The following SUPT5H variants were observed in gnomAD, a reference collection of about 807,000 sequenced individuals.
SUPT5H encodes the protein SPT5 homolog, DSIF elongation factor subunit, also known as transcription elongation factor SPT5.
In SUPT5H, 24 loss-of-function variants were observed where a neutral mutation model predicts 142.5. The ratio of observed to expected loss-of-function variants is 0.17; its 90% CI spans 0.12 to 0.24. The LOEUF is 0.24. Ranked by LOEUF, SUPT5H falls within the 10% of genes least tolerant of loss-of-function variation. SUPT5H has a pLI of 1.00. For missense variants in SUPT5H, 893 were observed against 1,471.8 expected, an observed-to-expected ratio of 0.61 and a Z score of 6.43; for synonymous variants, 546 against 553.0, an observed-to-expected ratio of 0.99 and a Z score of 0.18.
intron 10 of SUPT5H, 43 bp downstream of exon 10, chr19:39,460,003 C>A (rs759940760): frequency 6.3e-7 from 1 of 1,597,998 alleles, no homozygotes; most frequent in South Asian, 1.1e-5. Flanking sequence ...GACATGGCAA[C>A]ACCCAGAGGG....
In SUPT5H at chr19:39,470,730, G is replaced by A. The variant is rs935559822; in HGVS notation, c.1677+207G>A. Among the ~76,000 whole-genome samples, 3 of 152,148 alleles carry A rather than the reference G, an allele frequency of 2.0e-5. No individual in the cohort carries two copies. Among genetic ancestry groups the A allele is most frequent in the Non-Finnish European group, 4.4e-5 (3 of 68,022 alleles). ...TTTTCACACCCTATAAAATGGAAACGAGAGCAGCGTCTACTTTGTTCATAG... is the reference window on the plus strand; with the variant it reads ...TTTTCACACCCTATAAAATGGAAACAAGAGCAGCGTCTACTTTGTTCATAG... On this transcript the variant is annotated intron_variant, in intron 18 of 29. Coordinates refer to ENST00000432763, the MANE Select transcript of SUPT5H (RefSeq NM_001111020.3). This position sits in a 1 kb window ranked among gnomAD's most constrained non-coding sequence, Gnocchi z 5.8.
chr19:39,448,345 G>T (rs1193380597), intron 2 of SUPT5H, among the ~76,000 whole-genome samples: 1 of 152,178 alleles, frequency 6.6e-6, no homozygotes, highest in Non-Finnish European at 1.5e-5. Flanking sequence ...AAGAGTTGGA[G>T]AAATTGGGAT....
rs889623388 is a variant in SUPT5H, at chr19:39,459,398, C to G, written c.524+149C>G. On this transcript the variant is annotated intron_variant, in intron 8 of 29. Coordinates refer to ENST00000432763, the MANE Select transcript of SUPT5H (RefSeq NM_001111020.3). The stretch of plus-strand genomic sequence containing the variant: ...CAGGGGTAGGGAGGGCAAGGTGGCA[C>G]TTTCTCTTTCCTCTTGCTCCTGGGT... 5 of 1,349,474 alleles carry G rather than the reference C, an allele frequency of 3.7e-6. No individual in the cohort carries two copies. In the African/African-American group the frequency reaches 5.7e-5, roughly 15 times the overall value. The allele number at this position is 1,349,474 out of a possible 1,614,324, so 83.6% of individuals were successfully genotyped here. A position where few individuals can be genotyped will look rare whatever the true frequency, so the allele number is the denominator to read the frequency against.
In SUPT5H at chr19:39,458,414, G is replaced by A. The variant is rs1467198520; in HGVS notation, c.319+109G>A. ...TAGCCTCCCCACCAGCCCCGGTCTG[G>A]CCCTGAGGGCTCTGACCCATGTAGG... On this transcript the variant is annotated intron_variant, in intron 5 of 29. Coordinates refer to ENST00000432763, the MANE Select transcript of SUPT5H (RefSeq NM_001111020.3). The surrounding 1 kb of genome is among the most constrained non-coding windows in gnomAD (Gnocchi z 4.2). 1.3e-6 allele frequency: 2 copies of A among 1,569,084 alleles called. No homozygotes were observed. Among genetic ancestry groups the A allele is most frequent in the African/African-American group, 2.7e-5 (2 of 74,362 alleles).
intron 28 of SUPT5H, chr19:39,475,309 A>G: frequency 6.6e-6 from 1 of 151,314 alleles, no homozygotes; most frequent in Non-Finnish European, 1.5e-5. Flanking sequence ...AGGCAGGAGA[A>G]TCGCTTGAAC....
intron 11 of SUPT5H, among the ~76,000 whole-genome samples, 194 bp downstream of exon 11, chr19:39,465,243 T>C (rs2079219291): frequency 6.6e-6 from 1 of 151,978 alleles, no homozygotes; most frequent in South Asian, 2.1e-4. Flanking sequence ...GCGTGTTGAG[T>C]AAAGGTCTGA....
chr19:39,474,089 A>G lies in SUPT5H; in HGVS notation c.2619A>G (p.Gln873=), dbSNP rs765859218. Residue 873 remains glutamine (Q), a synonymous_variant, in exon 26 of 30, where the codon CAA becomes CAG. Transcript: ENST00000432763. This position sits in a 1 kb window ranked among gnomAD's most constrained non-coding sequence, Gnocchi z 6.5. ...PDPSSPQVNP[Q]YNPQTPGTPA... is the part of the protein sequence containing the mutation. ...CCTCGTCCCCACAGGTCAACCCACA[A>G]TACAACCCGCAGACGCCAGGGACGC... is the stretch of plus-strand genomic sequence containing the variant. 11 of 1,604,596 alleles carry G rather than the reference A, an allele frequency of 6.9e-6. No homozygotes were observed. Among genetic ancestry groups the G allele is most frequent in the Non-Finnish European group, 9.4e-6 (11 of 1,174,436 alleles).
chr19:39,465,160 G>C, intron 11 of SUPT5H, 111 bp downstream of exon 11: 1 of 1,449,970 alleles, frequency 6.9e-7, no homozygotes, highest in Non-Finnish European at 9.3e-7. Context: ...ATCCCACTCA[G>C]ATGAGTTGAA....
In SUPT5H at chr19:39,458,608, A is replaced by G; in HGVS notation, c.320-210A>G. ...GATGGGAACAGCTGGAAGCCCCCCA[A>G]CTTGCTGGGCCCCATCCCCAGTCTT... On this transcript the variant is annotated intron_variant, in intron 5 of 29. Coordinates refer to ENST00000432763, the MANE Select transcript of SUPT5H (RefSeq NM_001111020.3). This position sits in a 1 kb window ranked among gnomAD's most constrained non-coding sequence, Gnocchi z 4.2. 1.4e-6 allele frequency: 1 copy of G among 693,404 alleles called. No homozygotes were observed. Among genetic ancestry groups the G allele is most frequent in the South Asian group, 1.9e-5 (1 of 51,688 alleles). 43.0% of individuals were successfully genotyped at this position (693,404 alleles called of 1,614,324 possible).
intron 2 of SUPT5H, among the ~76,000 whole-genome samples, chr19:39,448,034 T>C (rs1376608274): frequency 3.9e-5 from 6 of 152,232 alleles, no homozygotes; most frequent in African/African-American, 1.4e-4. Context: ...GACACAGAGT[T>C]GTTCTGCAGA....
Position 39,469,516 on chromosome 19 carries a change from C to G in SUPT5H, c.1374+118C>G, listed in dbSNP as rs2079289481. On this transcript the variant is annotated intron_variant, in intron 16 of 29. Coordinates refer to ENST00000432763, the MANE Select transcript of SUPT5H (RefSeq NM_001111020.3). The surrounding 1 kb of genome is among the most constrained non-coding windows in gnomAD (Gnocchi z 5.1). ...TGGTTTCCAGGAGGGTAAGTTGAGG[C>G]CCTTCTAGCATTCTCAGGTGCCTGA... 6.9e-7 allele frequency: 1 copy of G among 1,442,032 alleles called. No homozygotes were observed. The highest frequency in any genetic ancestry group is 9.4e-7 in the Non-Finnish European group (1 of 1,058,914). 89.3% of individuals were successfully genotyped at this position (1,442,032 alleles called of 1,614,324 possible).
chr19:39,463,961 C>T (rs1228025583), intron 10 of SUPT5H, among the ~76,000 whole-genome samples: 1 of 149,126 alleles, frequency 6.7e-6, no homozygotes, highest in Non-Finnish European at 1.5e-5. Flanking sequence ...GTAAGCACTC[C>T]TTTCTTGGTT....
rs373512563 is a variant in SUPT5H at position 39,472,957 on chromosome 19, G to C, written c.2155+28G>C. The C allele has an allele frequency of 2.5e-6, 4 of 1,611,676 alleles. No homozygotes were observed. The highest frequency in any genetic ancestry group is 1.3e-5 in the African/African-American group (1 of 74,892). ...GACCTGCGAGGCCTGTGGAGGCCTG[G>C]GGAGGGGCATGGTGAAGGAGAGCCT... is the stretch of plus-strand genomic sequence containing the variant. On this transcript the variant is annotated intron_variant, in intron 22 of 29. Transcript: ENST00000432763. The surrounding 1 kb of genome is among the most constrained non-coding windows in gnomAD (Gnocchi z 4.2).
rs765736940 is a variant in SUPT5H at position 39,476,381 on chromosome 19, G to A, written c.3246G>A (p.Gly1082=). 3 of 1,613,986 alleles carry A rather than the reference G, an allele frequency of 1.9e-6. No homozygotes were observed. The highest frequency in any genetic ancestry group is 1.3e-5 in the African/African-American group (1 of 74,904). Residue 1082 remains glycine (G), a synonymous_variant, in exon 30 of 30, where the codon GGG becomes GGA. Transcript: ENST00000432763. ...AGATCCTCAACCTCCGCTTCCTGGG[G>A]AAGCTCCTGGAAGCCTGAAGCAGGC... The part of the protein sequence containing the change: ...QLKILNLRFL[G]KLLEA
intron 2 of SUPT5H, among the ~76,000 whole-genome samples, chr19:39,447,350 C>G (rs1167114246): frequency 6.6e-6 from 1 of 152,038 alleles, no homozygotes; most frequent in Non-Finnish European, 1.5e-5. Context: ...TTGAAAGGAT[C>G]ACTCTGGCTT....
intron 4 of SUPT5H, 86 bp downstream of exon 4, chr19:39,457,826 C>G (rs763330105): frequency 1.3e-6 from 2 of 1,576,594 alleles, no homozygotes; most frequent in African/African-American, 2.7e-5. Context: ...ACCCCCGCAT[C>G]CCCTGTACAC....
intron 28 of SUPT5H, chr19:39,475,819 T>C: frequency 2.1e-6 from 1 of 482,588 alleles, no homozygotes; most frequent in South Asian, 2.7e-5. Flanking sequence ...TGAGGCCAGT[T>C]TGGGACATGA....
At position 39,473,885 on chromosome 19, in the gene SUPT5H, T is replaced by C; in HGVS notation, c.2493-78T>C. On this transcript the variant is annotated intron_variant, in intron 25 of 29. Transcript: ENST00000432763. This position sits in a 1 kb window ranked among gnomAD's most constrained non-coding sequence, Gnocchi z 5.8. ...AGAATGAAATTGCTTCAGTTGGGGG[T>C]CTGGTGTAGGGTGCTGTTCTGGAAG... 1 of 1,588,518 alleles carries C rather than the reference T, an allele frequency of 6.3e-7. No individual in the cohort carries two copies. The highest frequency in any genetic ancestry group is 8.6e-7 in the Non-Finnish European group (1 of 1,159,114).
At chr19:39,467,025 A>T (rs987995455) in intron 13 of SUPT5H, 2 of 357,682 alleles carry the variant, frequency 5.6e-6, no homozygotes, top group African/African-American at 4.2e-5. Context: ...TGGGCAACAT[A>T]ATGAGATCCC....
Sources: allele counts gnomAD v4.1 joint callset (sites outside exome capture counted in the v4.1 genomes callset), GRCh38; gene constraint gnomAD v4.1.1; non-coding constraint Gnocchi (gnomAD v3.1); transcripts MANE v1.5; gene names NCBI Gene and HGNC (gene_info 2026-07-23, HGNC 2026-07-21).